Variants in DENND1A observed in about 807,000 individuals in gnomAD.
The protein encoded by DENND1A is DENN domain containing 1A.
DENND1A carries 51 observed loss-of-function variants against 113.7 expected under a neutral mutation model. The observed-to-expected ratio is 0.45, with a 90% confidence interval of 0.36 to 0.57. The LOEUF is 0.57. Ranked by LOEUF, DENND1A falls within the 20% of genes least tolerant of loss-of-function variation. The pLI is 0.00. For missense variants in DENND1A, 1,258 were observed against 1,395.9 expected (o/e 0.90, Z 1.57); for synonymous variants, 565 against 570.8 (o/e 0.99, Z 0.14).
At chr9:123,725,811 A>C (rs935096987) in intron 5 of DENND1A, among the ~76,000 whole-genome samples, 11 of 152,238 alleles carry the variant, frequency 7.2e-5, no homozygotes, top group Non-Finnish European at 1.6e-4. Context: ...GGCATAACTT[A>C]ATTCTGTCAC....
intron 10 of DENND1A, among the ~76,000 whole-genome samples, chr9:123,613,357 C>A (rs1299642326): frequency 2.0e-5 from 3 of 152,074 alleles, no homozygotes; most frequent in African/African-American, 7.2e-5. Context: ...AAAAAAACTT[C>A]TTCATATTCA....
intron 19 of DENND1A, among the ~76,000 whole-genome samples, chr9:123,415,399 C>T: frequency 6.6e-6 from 1 of 152,082 alleles, no homozygotes; most frequent in East Asian, 1.9e-4. Flanking sequence ...AGGTGAACTC[C>T]CAGGGGGTGC....
intron 12 of DENND1A, among the ~76,000 whole-genome samples, chr9:123,566,756 T>C (rs2058073454): frequency 6.6e-6 from 1 of 152,228 alleles, no homozygotes. Flanking sequence ...GAGATTAATC[T>C]GAGTATCTCA....
At chr9:123,643,664 A>G (rs566108075) in intron 9 of DENND1A, among the ~76,000 whole-genome samples, 2 of 152,230 alleles carry the variant, frequency 1.3e-5, no homozygotes, top group African/African-American at 4.8e-5. Context: ...GGCCGCACTC[A>G]TGGTAGGAAT....
chr9:123,534,484 A>G (rs183236425), intron 13 of DENND1A, among the ~76,000 whole-genome samples: 78 of 152,284 alleles, frequency 5.1e-4, no homozygotes, highest in African/African-American at 1.8e-3. Flanking sequence ...TTTTTTGCTG[A>G]TAAGAACATT....
chr9:123,549,803 C>A (rs1424842382), intron 13 of DENND1A, among the ~76,000 whole-genome samples: 3 of 152,048 alleles, frequency 2.0e-5, no homozygotes. Flanking sequence ...CCTATGTAAA[C>A]CCTTTGCATA....
chr9:123,413,318 G>T, intron 19 of DENND1A: 1 of 664,668 alleles, frequency 1.5e-6, no homozygotes, highest in Non-Finnish European at 1.9e-6. Context: ...GGATATATTG[G>T]GTTCATTATA....
intron 13 of DENND1A, among the ~76,000 whole-genome samples, chr9:123,470,962 C>T (rs2049366511): frequency 6.6e-6 from 1 of 152,152 alleles, no homozygotes; most frequent in Non-Finnish European, 1.5e-5. Context: ...GTGGCAGCAT[C>T]AGGAACTGGA....
intron 13 of DENND1A, among the ~76,000 whole-genome samples, chr9:123,483,966 C>T (rs1008143998): frequency 1.1e-4 from 17 of 152,118 alleles, no homozygotes; most frequent in African/African-American, 2.9e-4. Flanking sequence ...TTGTAGCAAA[C>T]GGGTTAGTGT....
chr9:123,586,522 G>A (rs2059172117), intron 11 of DENND1A, among the ~76,000 whole-genome samples: 1 of 152,154 alleles, frequency 6.6e-6, no homozygotes, highest in Non-Finnish European at 1.5e-5. Flanking sequence ...TAACCAAAAT[G>A]CCCCGAGCAC....
At chr9:123,626,034 A>G (rs12380615) in intron 10 of DENND1A, among the ~76,000 whole-genome samples, 11 of 151,312 alleles carry the variant, frequency 7.3e-5, no homozygotes, top group African/African-American at 1.7e-4. Context: ...TGGGACTACA[A>G]TTGTGTGCCA....
intron 11 of DENND1A, among the ~76,000 whole-genome samples, chr9:123,604,603 T>C (rs556145970): frequency 1.3e-5 from 2 of 152,138 alleles, no homozygotes; most frequent in South Asian, 4.2e-4. Flanking sequence ...GAAAGCAAGA[T>C]ACAGAAAGAT....
chr9:123,427,372 C>T (rs533892654), intron 19 of DENND1A, among the ~76,000 whole-genome samples: 44 of 152,336 alleles, frequency 2.9e-4, no homozygotes, highest in African/African-American at 1.0e-3. Flanking sequence ...TACCCTTCTC[C>T]TCTCCTAGCC....
chr9:123,929,958 C>CG lies in DENND1A; in HGVS notation c.-54dup. On this transcript the variant is annotated 5_prime_UTR_variant, in exon 1 of 24. Transcript: ENST00000394215. Reference sequence around the variant, plus strand: ...GGGCCCCGCTCGGCGCTGCGCTGCCCGCCCGCCCGCGGCCGACCGGCCTCC... The same window carrying CG: ...GGGCCCCGCTCGGCGCTGCGCTGCCCGGCCCGCCCGCGGCCGACCGGCCTCC... 6.7e-6 allele frequency: 2 copies of CG among 298,088 alleles called. No homozygotes were observed. Among genetic ancestry groups the CG allele is most frequent in the Non-Finnish European group, 1.2e-5 (2 of 164,944 alleles). The allele number at this position is 298,088 out of a possible 1,614,324, so 18.5% of individuals were successfully genotyped here. A position where few individuals can be genotyped will look rare whatever the true frequency, so the allele number is the denominator to read the frequency against.
intron 5 of DENND1A, among the ~76,000 whole-genome samples, chr9:123,694,290 G>A (rs1019164141): frequency 2.0e-5 from 3 of 152,118 alleles, no homozygotes; most frequent in Non-Finnish European, 4.4e-5. Flanking sequence ...AGGTCTGGCC[G>A]TAATACCATG....
In DENND1A at chr9:123,769,439, A is replaced by G. The variant is rs1829364470; in HGVS notation, c.182+75T>C. On this transcript the variant is annotated intron_variant, in intron 4 of 23. Transcript: ENST00000394215. ...TGGTTAAACAGACAGAATGTTAAGAATGGTATGGTTTTTATTTTCTATAGC... is the reference window on the plus strand; with the variant it reads ...TGGTTAAACAGACAGAATGTTAAGAGTGGTATGGTTTTTATTTTCTATAGC... 3 of 1,285,356 alleles carry G rather than the reference A, an allele frequency of 2.3e-6. No individual in the cohort carries two copies. The African/African-American group carries it at 4.5e-5, about 19-fold the overall frequency. 79.6% of individuals were successfully genotyped at this position (1,285,356 alleles called of 1,614,324 possible).
chr9:123,577,866 G>A (rs1462307966), intron 12 of DENND1A, among the ~76,000 whole-genome samples: 1 of 151,988 alleles, frequency 6.6e-6, no homozygotes, highest in Non-Finnish European at 1.5e-5. Context: ...TTCAGGGCAG[G>A]GCTAAAATGA....
chr9:123,480,801 G>T (rs75313719), intron 13 of DENND1A, among the ~76,000 whole-genome samples: 2 of 152,318 alleles, frequency 1.3e-5, no homozygotes, highest in South Asian at 4.1e-4. Context: ...GAACACACGT[G>T]TGTCGAATGA....
intron 2 of DENND1A, among the ~76,000 whole-genome samples, chr9:123,853,576 A>G (rs1843705857): frequency 6.6e-6 from 1 of 152,086 alleles, no homozygotes; most frequent in Non-Finnish European, 1.5e-5. Context: ...AGGCATGAGA[A>G]TCACTTGAAC....
Sources: gnomAD v4.1 joint callset for allele counts (sites outside exome capture counted in the v4.1 genomes callset) on GRCh38, gnomAD v4.1.1 for gene constraint, MANE v1.5 for transcripts, NCBI Gene and HGNC (gene_info 2026-07-23, HGNC 2026-07-21) for gene names.